Variants in CCNH observed in about 807,000 individuals in gnomAD.
CCNH encodes the protein cyclin H.
CCNH carries 31 observed loss-of-function variants against 41.9 expected under a neutral mutation model. The observed-to-expected ratio is 0.74, with a 90% CI of 0.56 to 1.00. The LOEUF is 1.00. Ranked by LOEUF, CCNH falls within the 50% of genes least tolerant of loss-of-function variation. The probability of loss-of-function intolerance (pLI) is 0.00; values close to 1 mark genes in which losing one functional copy is unlikely to be tolerated. For missense variants in CCNH, 362 were observed against 388.4 expected, an observed-to-expected ratio of 0.93 and a Z score of 0.57; for synonymous variants, 138 against 136.1, an observed-to-expected ratio of 1.01 and a Z score of -0.10.
intron 9 of CCNH, among the ~76,000 whole-genome samples, chr5:87,351,435 T>C (rs1221662337): frequency 6.6e-6 from 1 of 151,696 alleles, no homozygotes. Flanking sequence ...AGGAAGACAA[T>C]GGATTTTGGC....
In CCNH at chr5:87,405,021, T is replaced by C. The variant is rs1321711158; in HGVS notation, c.526-14A>G. ...GGGATAGCGGGTCTACAAAGAAAGT[T>C]TGCAAATGTTACCATTTCTGAGGGT... On this transcript the variant is annotated splice_polypyrimidine_tract_variant and intron_variant, in intron 4 of 8. Coordinates refer to ENST00000256897, the MANE Select transcript of CCNH (RefSeq NM_001239.4). The C allele has an allele frequency of 3.1e-6, 5 of 1,599,160 alleles. No homozygotes were observed. Among genetic ancestry groups the C allele is most frequent in the African/African-American group, 1.3e-5 (1 of 74,126 alleles).
chr5:87,392,860 T>G (rs1265720681), downstream of CCNH: 2 of 154,012 alleles, frequency 1.3e-5, no homozygotes, highest in African/African-American at 4.8e-5. Flanking sequence ...GGGAAAATTT[T>G]CAGTGATAAG....
chr5:87,378,954 A>G (rs1035635695), upstream of CCNH, among the ~76,000 whole-genome samples: 12 of 152,324 alleles, frequency 7.9e-5, no homozygotes, highest in African/African-American at 2.9e-4. Context: ...CCTCAACTAA[A>G]ACAAAAAAAT....
intron 9 of CCNH, among the ~76,000 whole-genome samples, chr5:87,335,755 G>A (rs1228538229): frequency 6.6e-6 from 1 of 152,116 alleles, no homozygotes; most frequent in African/African-American, 2.4e-5. Context: ...AGTGTATAAT[G>A]TGTTAACAAC....
chr5:87,390,673 G>A, downstream of CCNH: 1 of 766,540 alleles, frequency 1.3e-6, no homozygotes, highest in Non-Finnish European at 2.3e-6. Context: ...CTTATGTTTT[G>A]AGGGGAATTG....
chr5:87,353,101 T>G, intron 9 of CCNH: 1 of 1,392,774 alleles, frequency 7.2e-7, no homozygotes, highest in East Asian at 2.3e-5. Context: ...CACATATTTT[T>G]AAAGATTTTG....
downstream of CCNH, among the ~76,000 whole-genome samples, chr5:87,387,649 G>GACACC (rs1367300272): frequency 6.6e-5 from 10 of 152,134 alleles, no homozygotes; most frequent in African/African-American, 2.4e-4. Flanking sequence ...TCCATGTTCT[G>GACACC]TCTTAATGTA....
chr5:87,346,867 T>G, intron 9 of CCNH: 1 of 550,506 alleles, frequency 1.8e-6, no homozygotes, highest in Non-Finnish European at 3.2e-6. Context: ...AAGAAGCTGG[T>G]GTTTTTATTT....
chr5:87,412,460 C>T, intron 1 of CCNH: 33 of 1,405,478 alleles, frequency 2.3e-5, no homozygotes, highest in Non-Finnish European at 3.1e-5. Flanking sequence ...GTTACAAAGA[C>T]TGGTTACTTG....
chr5:87,397,668 C>T (rs1763074859), intron 7 of CCNH, among the ~76,000 whole-genome samples: 1 of 151,978 alleles, frequency 6.6e-6, no homozygotes, highest in South Asian at 2.1e-4. Context: ...GAATTTGGCC[C>T]AGTACAAGGC....
chr5:87,387,362 A>C (rs577699796), downstream of CCNH, among the ~76,000 whole-genome samples: 9 of 152,286 alleles, frequency 5.9e-5, no homozygotes, highest in African/African-American at 2.2e-4. Flanking sequence ...CACTTCATTC[A>C]GTGTGAATAT....
At chr5:87,342,530 A>G (rs1217322453) in intron 9 of CCNH, among the ~76,000 whole-genome samples, 1 of 152,156 alleles carries the variant, frequency 6.6e-6, no homozygotes, top group Non-Finnish European at 1.5e-5. Flanking sequence ...CGGGTCAAGT[A>G]TATATATTCC....
chr5:87,408,810 T>C (rs1763996848), intron 3 of CCNH, among the ~76,000 whole-genome samples: 1 of 152,178 alleles, frequency 6.6e-6, no homozygotes, highest in African/African-American at 2.4e-5. Context: ...AGGTACAATG[T>C]CATTGAGAGC....
At chr5:87,370,803 T>C (rs1332930052) in intron 9 of CCNH, among the ~76,000 whole-genome samples, 8 of 152,146 alleles carry the variant, frequency 5.3e-5, no homozygotes, top group African/African-American at 1.9e-4. Flanking sequence ...TTGTTGGAAA[T>C]ATAATTTGCC....
rs1244036829 is a variant in CCNH, at chr5:87,385,466, A to C, written c.*90+7304T>G. ...TGATAAAACCATAAATTGTGGCTTA[A>C]GTAAATTTTTAGCAGTGAAATTTTT... On this transcript the variant is annotated intron_variant and NMD_transcript_variant, in intron 9 of 9. Transcript: ENST00000645953. 4 of 1,162,210 alleles carry C rather than the reference A, an allele frequency of 3.4e-6. No individual in the cohort carries two copies. In the Middle Eastern group the frequency reaches 5.9e-4, roughly 173 times the overall value. The allele number at this position is 1,162,210 out of a possible 1,614,324, so 72.0% of individuals were successfully genotyped here.
At chr5:87,337,343 C>T (rs999621608) in intron 9 of CCNH, among the ~76,000 whole-genome samples, 2 of 151,968 alleles carry the variant, frequency 1.3e-5, no homozygotes, top group East Asian at 1.9e-4. Flanking sequence ...AACATACATT[C>T]CTTTCTCATA....
At chr5:87,337,310 TC>T (rs1258123252) in intron 9 of CCNH, among the ~76,000 whole-genome samples, 1 of 152,018 alleles carries the variant, frequency 6.6e-6, no homozygotes, top group Non-Finnish European at 1.5e-5. Flanking sequence ...ATCTCTGTAC[TC>T]TTAAATTGGT....
At chr5:87,359,266 G>C (rs1759889997) in intron 9 of CCNH, among the ~76,000 whole-genome samples, 1 of 152,150 alleles carries the variant, frequency 6.6e-6, no homozygotes, top group Non-Finnish European at 1.5e-5. Context: ...GAAGAGCTTG[G>C]TTCAATGGCT....
chr5:87,361,003 C>CT (rs1352251217), intron 9 of CCNH, among the ~76,000 whole-genome samples: 18 of 152,176 alleles, frequency 1.2e-4, no homozygotes, highest in Non-Finnish European at 2.2e-4. Flanking sequence ...TGCCGCAATA[C>CT]TTTGCAACAC....
Sources: allele counts gnomAD v4.1 joint callset (sites outside exome capture counted in the v4.1 genomes callset), GRCh38; gene constraint gnomAD v4.1.1; transcripts MANE v1.5; gene names NCBI Gene and HGNC (gene_info 2026-07-23, HGNC 2026-07-21).